Variants in HECTD4 observed in about 807,000 individuals in gnomAD.
The protein encoded by HECTD4 is probable E3 ubiquitin-protein ligase HECTD4.
In HECTD4, 114 loss-of-function variants were observed where a neutral mutation model predicts 471.5. The ratio of observed to expected loss-of-function variants is 0.24; its 90% CI spans 0.21 to 0.28. The LOEUF (loss-of-function observed/expected upper bound fraction) is 0.28. Among genes scored for constraint, HECTD4 ranks in the 10% least tolerant of loss-of-function variants. HECTD4 has a pLI of 1.00. For synonymous variants in HECTD4, 2,012 were observed against 2,256.0 expected, an observed-to-expected ratio of 0.89 and a Z score of 3.07; for missense variants, 3,866 against 5,651.5, an observed-to-expected ratio of 0.68 and a Z score of 10.13.
intron 1 of HECTD4, among the ~76,000 whole-genome samples, chr12:112,353,308 T>C (rs748013422): frequency 6.6e-6 from 1 of 152,240 alleles, no homozygotes; most frequent in Admixed American, 6.5e-5. Context: ...TCTAGGCTAA[T>C]GGATATTTTA....
intron 35 of HECTD4, among the ~76,000 whole-genome samples, chr12:112,236,539 A>G (rs2033506643): frequency 6.6e-6 from 1 of 152,210 alleles, no homozygotes; most frequent in South Asian, 2.1e-4. Flanking sequence ...CAGGGAGTAT[A>G]TAACCAGCAC....
At chr12:112,230,633 A>AGAAG (rs2033356524) in intron 40 of HECTD4, 54 bp downstream of exon 40, 1 of 1,537,166 alleles carries the variant, frequency 6.5e-7, no homozygotes, top group Non-Finnish European at 8.8e-7. Context: ...TATGATTCTA[A>AGAAG]TTCTAATTAG....
intron 7 of HECTD4, among the ~76,000 whole-genome samples, chr12:112,290,841 TC>T (rs1283609544): frequency 1.7e-5 from 2 of 119,004 alleles, no homozygotes; most frequent in African/African-American, 3.6e-5. Flanking sequence ...AGAGCGAAAC[TC>T]CGTCTCAAAA....
At position 112,164,228 on chromosome 12, in the gene HECTD4, G is replaced by A; in HGVS notation, c.12582C>T (p.Ser4194=). The change falls in exon 73 of 76, where the codon TCC becomes TCT. Residue 4194 remains serine, a synonymous_variant. Coordinates refer to ENST00000682272, the MANE Select transcript of HECTD4 (RefSeq NM_001388303.1). ...CAGGGCTCTCCGTGGCCAGGTGCTG[G>A]GAGGCGATCTCAGCGCACAGGGCCT... The part of the protein sequence containing the change: ...ELEALCAEIA[S]QHLATESPDS... 3.7e-6 allele frequency: 6 copies of A among 1,613,764 alleles called. No homozygotes were observed. Among genetic ancestry groups the A allele is most frequent in the South Asian group, 1.1e-5 (1 of 91,086 alleles).
rs766379052 is a variant in HECTD4 at position 112,184,271 on chromosome 12, C to T, written c.10695G>A (p.Ser3565=). ...TGACTGTGTACATGGAGCCCATGTCCGACACCGAGGCCGTCTCTGCATTGT... is the reference window on the plus strand; with the variant it reads ...TGACTGTGTACATGGAGCCCATGTCTGACACCGAGGCCGTCTCTGCATTGT... ...PLDNAETASV[S]DMGSMYTVTS... is the part of the protein sequence containing the mutation. Residue 3565 remains serine (S), a synonymous_variant, in exon 61 of 76, where the codon TCG becomes TCA. Coordinates refer to ENST00000682272, the MANE Select transcript of HECTD4 (RefSeq NM_001388303.1). The surrounding 1 kb of genome is among the most constrained non-coding windows in gnomAD (Gnocchi z 9.1). The T allele has an allele frequency of 8.7e-6, 14 of 1,613,526 alleles. No individual in the cohort carries two copies. Among genetic ancestry groups the T allele is most frequent in the Admixed American group, 3.3e-5 (2 of 60,022 alleles).
chr12:112,365,047 T>C (rs932718619), intron 1 of HECTD4, among the ~76,000 whole-genome samples: 3 of 152,250 alleles, frequency 2.0e-5, no homozygotes, highest in Admixed American at 6.5e-5. Context: ...TGGCTGGATA[T>C]GACCCTGAAA....
At chr12:112,334,804 C>T (rs1290503933) in intron 1 of HECTD4, among the ~76,000 whole-genome samples, 2 of 132,364 alleles carry the variant, frequency 1.5e-5, no homozygotes, top group Non-Finnish European at 3.1e-5. Context: ...GAGTGAAACT[C>T]TATCTCAAAA....
chr12:112,240,318 G>A (rs536292857), intron 32 of HECTD4, among the ~76,000 whole-genome samples: 104 of 152,282 alleles, frequency 6.8e-4, no homozygotes, highest in African/African-American at 2.4e-3. Flanking sequence ...AGGGTAAAGC[G>A]AATGGCCTCT....
In HECTD4 at chr12:112,237,062, C is replaced by T. The variant is rs1337208370; in HGVS notation, c.5327G>A (p.Arg1776Gln). 9 of 1,595,330 alleles carry T rather than the reference C, an allele frequency of 5.6e-6. No individual in the cohort carries two copies. The highest frequency in any genetic ancestry group is 2.3e-5 in the East Asian group (1 of 43,958). Reference protein sequence around the residue: ...STEAVHSGLARQVSSLLTNHL... With the variant: ...STEAVHSGLAQQVSSLLTNHL... ...GTTAGTGAGAAGGCTGGACACCTGC[C>T]GGGCCAGACCTGAGTGCACAGCCTC... is the stretch of plus-strand genomic sequence containing the variant. The change falls in exon 35 of 76, where the codon CGG (arginine) becomes CAG (glutamine). Residue 1776 changes from arginine (R) to glutamine (Q), a missense_variant. Arg to Gln is a conservative substitution (Grantham distance 43). This residue lies in a region of HECTD4 where 229 missense variants were observed against 386.4 expected (regional missense o/e 0.59). Transcript: ENST00000682272.
At chr12:112,218,157 CAA>C (rs778886623) in intron 45 of HECTD4, among the ~76,000 whole-genome samples, 6 of 113,140 alleles carry the variant, frequency 5.3e-5, no homozygotes, top group African/African-American at 3.2e-5. Context: ...GACTCCATTT[CAA>C]AAAAAAAAAA....
At chr12:112,294,120 T>G (rs1164274777) in intron 7 of HECTD4, among the ~76,000 whole-genome samples, 1 of 152,184 alleles carries the variant, frequency 6.6e-6, no homozygotes, top group Non-Finnish European at 1.5e-5. Flanking sequence ...CAGACTGGTC[T>G]TCTTTTTTCT....
intron 60 of HECTD4, 121 bp downstream of exon 60, chr12:112,190,665 G>A: frequency 1.3e-6 from 1 of 779,276 alleles, no homozygotes; most frequent in South Asian, 1.9e-5. Flanking sequence ...ATCTGAAGGA[G>A]GCTGCAGCTG....
At chr12:112,189,658 A>G (rs1402871386) in intron 60 of HECTD4, among the ~76,000 whole-genome samples, 1 of 150,510 alleles carries the variant, frequency 6.6e-6, no homozygotes, top group Non-Finnish European at 1.5e-5. Context: ...CTGTGCCTCC[A>G]GCTCACCAAA....
chr12:112,262,728 G>A (rs1021434710), intron 17 of HECTD4, among the ~76,000 whole-genome samples: 4 of 151,752 alleles, frequency 2.6e-5, no homozygotes, highest in Admixed American at 6.6e-5. Context: ...CAATTCTCAC[G>A]CCTCAGCCTC....
intron 32 of HECTD4, among the ~76,000 whole-genome samples, chr12:112,242,485 C>T (rs530411450): frequency 2.0e-5 from 3 of 151,574 alleles, no homozygotes; most frequent in Non-Finnish European, 2.9e-5. Context: ...TGGTGGTATG[C>T]GCCTATAGTC....
intron 1 of HECTD4, among the ~76,000 whole-genome samples, chr12:112,363,601 T>C (rs1298023013): frequency 6.6e-6 from 1 of 152,208 alleles, no homozygotes; most frequent in Non-Finnish European, 1.5e-5. Context: ...TATTTTCAAT[T>C]AACTCCATCT....
At position 112,248,180 on chromosome 12, in the gene HECTD4, T is replaced by C; in HGVS notation, c.4144-9A>G. 1.2e-6 allele frequency: 2 copies of C among 1,600,420 alleles called. No individual in the cohort carries two copies. The highest frequency in any genetic ancestry group is 1.7e-6 in the Non-Finnish European group (2 of 1,172,184). Reference sequence around the variant, plus strand: ...TCCAGTTCTGCAACACTCTAATAAATACATTAAAATAGATGCAAAATAAAA... The same window carrying C: ...TCCAGTTCTGCAACACTCTAATAAACACATTAAAATAGATGCAAAATAAAA... On this transcript the variant is annotated splice_polypyrimidine_tract_variant and intron_variant, in intron 26 of 75. Transcript: ENST00000682272.
rs1202071630 is a variant in HECTD4 at position 112,166,363 on chromosome 12, G to A, written c.12534+954C>T. On this transcript the variant is annotated intron_variant, in intron 72 of 75. Transcript: ENST00000682272. The surrounding 1 kb of genome is among the most constrained non-coding windows in gnomAD (Gnocchi z 4.6). ...GACCTGGCCAGGCAGTGCCTCAGTC[G>A]GCCATGGAGTATTCTGCCGGCATAG... 2 of 152,240 alleles carry A rather than the reference G, an allele frequency of 1.3e-5. No individual in the cohort carries two copies. The highest frequency in any genetic ancestry group is 4.8e-5 in the African/African-American group (2 of 41,464). The allele number at this position is 152,240 out of a possible 1,614,324, so 9.4% of individuals were successfully genotyped here. A position where few individuals can be genotyped will look rare whatever the true frequency, so the allele number is the denominator to read the frequency against.
chr12:112,328,279 C>T (rs2035786121), intron 1 of HECTD4, among the ~76,000 whole-genome samples: 1 of 152,060 alleles, frequency 6.6e-6, no homozygotes, highest in Non-Finnish European at 1.5e-5. Context: ...GCTGGGACTA[C>T]AGGCATTCAC....
Sources: gnomAD v4.1 joint callset for allele counts (sites outside exome capture counted in the v4.1 genomes callset) on GRCh38, gnomAD v4.1.1 for gene constraint, gnomAD v4.1.1 regional missense constraint, Gnocchi (gnomAD v3.1) non-coding constraint, MANE v1.5 for transcripts, NCBI Gene and HGNC (gene_info 2026-07-23, HGNC 2026-07-21) for gene names.